Variants in LRRTM4 observed in about 807,000 individuals in gnomAD.
The protein encoded by LRRTM4 is leucine-rich repeat transmembrane neuronal protein 4.
LRRTM4 carries 25 observed loss-of-function variants against 47.6 expected under a neutral mutation model. That is an observed-to-expected ratio of 0.53 (90% confidence interval 0.38 to 0.73). The LOEUF (loss-of-function observed/expected upper bound fraction) is 0.73. Ranked by LOEUF, LRRTM4 falls within the 30% of genes least tolerant of loss-of-function variation. The pLI is 0.00. For missense variants in LRRTM4, 638 were observed against 713.4 expected (o/e 0.89, Z 1.20); for synonymous variants, 311 against 269.5 (o/e 1.15, Z -1.51).
chr2:77,104,194 C>T (rs549244484), intron 3 of LRRTM4, among the ~76,000 whole-genome samples: 6 of 152,280 alleles, frequency 3.9e-5, no homozygotes, highest in Admixed American at 3.9e-4. Flanking sequence ...GCCCACACTG[C>T]CTACCTTTAT....
intron 3 of LRRTM4, among the ~76,000 whole-genome samples, chr2:76,885,606 G>A (rs1292245079): frequency 6.6e-6 from 1 of 151,858 alleles, no homozygotes; most frequent in Non-Finnish European, 1.5e-5. Flanking sequence ...GGGACCGCAA[G>A]CGCCCACCGC....
intron 3 of LRRTM4, among the ~76,000 whole-genome samples, chr2:77,298,164 C>T (rs578049245): frequency 8.5e-5 from 13 of 152,286 alleles, no homozygotes; most frequent in Non-Finnish European, 1.5e-4. Flanking sequence ...TATTATCAAA[C>T]GAATACATTC....
chr2:77,438,371 AT>A (rs1675689657), intron 3 of LRRTM4, among the ~76,000 whole-genome samples: 1 of 140,034 alleles, frequency 7.1e-6, no homozygotes, highest in East Asian at 2.0e-4. Context: ...TAAAAGCTAC[AT>A]TTTCGCTCTC....
chr2:76,976,702 C>T (rs181999237), intron 3 of LRRTM4, among the ~76,000 whole-genome samples: 5 of 151,700 alleles, frequency 3.3e-5, no homozygotes, highest in South Asian at 4.2e-4. Flanking sequence ...CTGGGATATC[C>T]GTGGAAAAAG....
intron 3 of LRRTM4, among the ~76,000 whole-genome samples, chr2:76,795,484 G>A (rs915557794): frequency 2.6e-5 from 4 of 151,966 alleles, no homozygotes; most frequent in African/African-American, 9.7e-5. Flanking sequence ...CATTGTGTAG[G>A]TGTTAATAAT....
At position 77,501,230 on chromosome 2, in the gene LRRTM4, T is replaced by A. The variant is rs1573499772; in HGVS notation, c.1551+17088A>T. Among the ~76,000 whole-genome samples, 3 of 150,884 alleles carry A rather than the reference T, an allele frequency of 2.0e-5. No individual in the cohort carries two copies. In the East Asian group the frequency reaches 5.8e-4, roughly 29 times the overall value. ...ACAAGAATAATTAAACATAATTTAA[T>A]CTTTTAGATTAACTAAGCAGTATGC... On this transcript the variant is annotated intron_variant, in intron 3 of 3. Transcript: ENST00000409884.
At chr2:76,915,482 G>A (rs1452887931) in intron 3 of LRRTM4, among the ~76,000 whole-genome samples, 1 of 152,142 alleles carries the variant, frequency 6.6e-6, no homozygotes, top group African/African-American at 2.4e-5. Flanking sequence ...TGCCACCAAA[G>A]CTAAGGTTTC....
At chr2:77,431,478 A>G (rs201787504) in intron 3 of LRRTM4, among the ~76,000 whole-genome samples, 4 of 148,802 alleles carry the variant, frequency 2.7e-5, no homozygotes, top group African/African-American at 5.2e-5. Context: ...CATTCAGACC[A>G]TAGAATTCTG....
At chr2:77,503,729 C>A (rs1420168857) in intron 3 of LRRTM4, among the ~76,000 whole-genome samples, 2 of 150,512 alleles carry the variant, frequency 1.3e-5, no homozygotes, top group African/African-American at 4.9e-5. Flanking sequence ...TTTGAGCTTA[C>A]AAAGATATGG....
chr2:77,161,246 G>A (rs1232792032), intron 3 of LRRTM4, among the ~76,000 whole-genome samples: 3 of 152,176 alleles, frequency 2.0e-5, no homozygotes, highest in Non-Finnish European at 4.4e-5. Flanking sequence ...ACCTTGGTCT[G>A]TGAGTGGACT....
chr2:77,251,575 G>A (rs989450643), intron 3 of LRRTM4, among the ~76,000 whole-genome samples: 3 of 151,968 alleles, frequency 2.0e-5, no homozygotes, highest in Non-Finnish European at 4.4e-5. Flanking sequence ...CTTCACCTGT[G>A]TTTATTCATC....
intron 3 of LRRTM4, among the ~76,000 whole-genome samples, chr2:77,417,776 G>A (rs908925760): frequency 6.6e-6 from 1 of 151,712 alleles, no homozygotes; most frequent in South Asian, 2.1e-4. Context: ...GGGGGGAAGG[G>A]GGGAGGAATA....
intron 3 of LRRTM4, among the ~76,000 whole-genome samples, chr2:77,067,686 TACACACAC>T (rs3058033): frequency 8.5e-5 from 12 of 140,724 alleles, no homozygotes; most frequent in Admixed American, 2.8e-4. Context: ...CAAAGATACG[TACACACAC>T]ACACACACAC....
intron 3 of LRRTM4, among the ~76,000 whole-genome samples, chr2:76,975,505 G>C (rs1046388425): frequency 6.6e-6 from 1 of 151,438 alleles, no homozygotes; most frequent in Non-Finnish European, 1.5e-5. Flanking sequence ...ATAATACCAC[G>C]TTCTGGCAAA....
intron 3 of LRRTM4, chr2:76,987,499 G>A (rs1278128993): frequency 2.6e-5 from 4 of 151,800 alleles, no homozygotes; most frequent in Admixed American, 2.0e-4. Context: ...AGACATGTGA[G>A]TTTCTATATA....
At chr2:76,807,095 T>C (rs1676007917) in intron 3 of LRRTM4, among the ~76,000 whole-genome samples, 1 of 152,006 alleles carries the variant, frequency 6.6e-6, no homozygotes, top group South Asian at 2.1e-4. Flanking sequence ...TGGGTGTGTG[T>C]TAACTGCTAC....
At chr2:76,920,513 C>G (rs1464938557) in intron 3 of LRRTM4, among the ~76,000 whole-genome samples, 1 of 152,078 alleles carries the variant, frequency 6.6e-6, no homozygotes, top group Non-Finnish European at 1.5e-5. Context: ...ATTTTGGAAC[C>G]TGGAGAAGAC....
intron 3 of LRRTM4, among the ~76,000 whole-genome samples, chr2:77,106,540 T>C (rs1265269893): frequency 6.6e-6 from 1 of 151,676 alleles, no homozygotes. Context: ...GTAACACATA[T>C]TAAAAAAAAA....
intron 3 of LRRTM4, among the ~76,000 whole-genome samples, chr2:76,757,306 C>T (rs1246337879): frequency 6.6e-6 from 1 of 152,110 alleles, no homozygotes; most frequent in African/African-American, 2.4e-5. Context: ...GTGTACTCAA[C>T]AGTTATCCAA....
Sources: gnomAD v4.1 joint callset for allele counts (sites outside exome capture counted in the v4.1 genomes callset) on GRCh38, gnomAD v4.1.1 for gene constraint, MANE v1.5 for transcripts, NCBI Gene and HGNC (gene_info 2026-07-23, HGNC 2026-07-21) for gene names.